DAB1: variants seen among roughly 807,000 people sequenced by gnomAD.
DAB1 encodes the protein disabled homolog 1.
DAB1 carries 15 observed loss-of-function variants against 64.6 expected under a neutral mutation model. The ratio of observed to expected loss-of-function variants is 0.23; its 90% CI spans 0.16 to 0.36. DAB1 has a LOEUF of 0.36. Among genes scored for constraint, DAB1 ranks in the 10% least tolerant of loss-of-function variants. The pLI, the probability that DAB1 is intolerant of heterozygous loss-of-function variation, is 1.00. For synonymous variants in DAB1, 235 were observed against 251.9 expected (o/e 0.93, Z 0.64); for missense variants, 596 against 706.7 (o/e 0.84, Z 1.78).
chr1:58,230,048 G>A (rs952024721), intron 4 of DAB1, among the ~76,000 whole-genome samples: 3 of 152,074 alleles, frequency 2.0e-5, no homozygotes, highest in Non-Finnish European at 1.5e-5. Flanking sequence ...CCTACATCAC[G>A]CCATTGCTCC....
intron 5 of DAB1, among the ~76,000 whole-genome samples, chr1:57,906,576 C>T (rs922449090): frequency 6.6e-6 from 1 of 152,132 alleles, no homozygotes; most frequent in African/African-American, 2.4e-5. Context: ...CAGAGGGGCA[C>T]AGTGAGGCTC....
intron 4 of DAB1, among the ~76,000 whole-genome samples, chr1:58,323,148 C>G (rs983457411): frequency 1.3e-5 from 2 of 151,926 alleles, no homozygotes; most frequent in South Asian, 2.1e-4. Context: ...TAAATGACGA[C>G]TTAATGGGTG....
At chr1:57,428,569 A>ATGGTCTTTATCCATGACC (rs1195573813), upstream of DAB1, among the ~76,000 whole-genome samples, 1 of 152,148 alleles carries the variant, frequency 6.6e-6, no homozygotes, top group African/African-American at 2.4e-5. Context: ...ATCTGTTGAC[A>ATGGTCTTTATCCATGACC]GTCATTAGGG....
intron 5 of DAB1, among the ~76,000 whole-genome samples, chr1:58,019,771 G>A (rs1188004): frequency 0.53 from 80,654 of 151,848 alleles, 21,862 homozygotes; most frequent in East Asian, 0.84. Context: ...GTGGGACTAA[G>A]CAAGTAGTAA....
chr1:57,998,218 C>T (rs1418904539), intron 5 of DAB1, among the ~76,000 whole-genome samples: 2 of 152,158 alleles, frequency 1.3e-5, no homozygotes, highest in Admixed American at 6.5e-5. Context: ...TCGATTCTGC[C>T]ATTGCCTAGC....
intron 4 of DAB1, among the ~76,000 whole-genome samples, chr1:57,121,472 T>C (rs1388907077): frequency 1.3e-5 from 2 of 151,780 alleles, no homozygotes; most frequent in Admixed American, 1.3e-4. Flanking sequence ...GGGGCAGCCT[T>C]GCAAAAAAGG....
chr1:57,768,439 G>T (rs970881750), intron 6 of DAB1, among the ~76,000 whole-genome samples: 2 of 151,524 alleles, frequency 1.3e-5, no homozygotes, highest in Admixed American at 1.3e-4. Flanking sequence ...TTATACTAAG[G>T]ATATATTGTC....
At chr1:57,254,860 T>TACAC (rs895675819) in intron 2 of DAB1, among the ~76,000 whole-genome samples, 1 of 151,086 alleles carries the variant, frequency 6.6e-6, no homozygotes, top group South Asian at 2.1e-4. Context: ...CACACACACA[T>TACAC]ACACACACAC....
At chr1:58,521,187 A>T (rs1646256769) in intron 2 of DAB1, among the ~76,000 whole-genome samples, 1 of 152,224 alleles carries the variant, frequency 6.6e-6, no homozygotes, top group Non-Finnish European at 1.5e-5. Flanking sequence ...ATACTTCTAA[A>T]TAACCCATGG....
At chr1:58,198,765 A>G (rs1657834058) in intron 4 of DAB1, among the ~76,000 whole-genome samples, 1 of 152,200 alleles carries the variant, frequency 6.6e-6, no homozygotes, top group Non-Finnish European at 1.5e-5. Flanking sequence ...TTTGTACTGT[A>G]GGAAAATCAA....
chr1:58,323,760 C>T (rs775017101), intron 4 of DAB1, among the ~76,000 whole-genome samples: 6 of 151,814 alleles, frequency 4.0e-5, no homozygotes, highest in Non-Finnish European at 8.8e-5. Flanking sequence ...CTCGTCTCTA[C>T]TAAAAATACA....
At chr1:57,757,211 T>TG (rs1648855120) in intron 6 of DAB1, among the ~76,000 whole-genome samples, 1 of 141,984 alleles carries the variant, frequency 7.0e-6, no homozygotes, top group Non-Finnish European at 1.6e-5. Flanking sequence ...TTTTTTTTTT[T>TG]TTTTTTTTTA....
chr1:58,085,958 C>CTCTT lies in DAB1; in HGVS notation n.387+64552_387+64553insAAGA, dbSNP rs1289919186. ...GGATGCTGTGGGCTGATCTCTCTCT[C>CTCTT]TTTTTTTTTTTTTTTTTTTTTTTGA... On this transcript the variant is annotated intron_variant and non_coding_transcript_variant, in intron 5 of 20. Transcript: ENST00000485760. Among the ~76,000 whole-genome samples the CTCTT allele has an allele frequency of 3.5e-3, 341 of 98,734 alleles. 10 individuals are homozygous for CTCTT. In the East Asian group the frequency reaches 0.053, roughly 15 times the overall value. 64.8% of individuals were successfully genotyped at this position (98,734 alleles called of 152,430 possible). A position where few individuals can be genotyped will look rare whatever the true frequency, so the allele number is the denominator to read the frequency against.
intron 2 of DAB1, among the ~76,000 whole-genome samples, chr1:57,207,569 A>G (rs71642106): frequency 1.4e-5 from 2 of 144,512 alleles, no homozygotes; most frequent in Non-Finnish European, 3.0e-5. Context: ...TCAGCCTCCC[A>G]AGTAGCTGGG....
rs146833066 is a variant in DAB1 at position 58,325,225 on chromosome 1, G to C, written n.309+18127C>G. 3.3e-3 allele frequency among the ~76,000 whole-genome samples: 507 copies of C among 152,330 alleles called. 7 individuals carry two copies. The highest frequency in any genetic ancestry group is 0.027 in the Middle Eastern group (8 of 294). ...ATTACAGACACTGCACTTCAACTAA[G>C]TCTCCTCTTTAAGGAGAATGGTTTA... On this transcript the variant is annotated intron_variant and non_coding_transcript_variant, in intron 4 of 20. Coordinates refer to the DAB1 transcript ENST00000485760.
intron 7 of DAB1, among the ~76,000 whole-genome samples, chr1:57,465,488 C>A (rs539884078): frequency 5.2e-4 from 79 of 152,246 alleles, no homozygotes; most frequent in African/African-American, 1.8e-3. Flanking sequence ...GCTAATGCAG[C>A]CCCTACTTGA....
intron 9 of DAB1, among the ~76,000 whole-genome samples, chr1:57,060,084 A>AT (rs1650221775): frequency 6.6e-6 from 1 of 151,086 alleles, no homozygotes; most frequent in Admixed American, 6.6e-5. Flanking sequence ...TCTACCAGGG[A>AT]TTTTCACAAA....
intron 5 of DAB1, among the ~76,000 whole-genome samples, chr1:57,957,949 A>G (rs1202860898): frequency 6.6e-6 from 1 of 152,022 alleles, no homozygotes; most frequent in Non-Finnish European, 1.5e-5. Context: ...TTGTTCTGAC[A>G]GTGACTGTAA....
intron 2 of DAB1, among the ~76,000 whole-genome samples, chr1:57,163,443 A>G (rs1170232713): frequency 6.6e-6 from 1 of 152,000 alleles, no homozygotes; most frequent in Non-Finnish European, 1.5e-5. Flanking sequence ...ACAGCAGAGC[A>G]AGCAAGGGGA....
Sources: allele counts gnomAD v4.1 joint callset (sites outside exome capture counted in the v4.1 genomes callset), GRCh38; gene constraint gnomAD v4.1.1; transcripts MANE v1.5; gene names NCBI Gene and HGNC (gene_info 2026-07-23, HGNC 2026-07-21).